Variants in MBNL3 observed in about 807,000 individuals in gnomAD.
MBNL3 encodes the protein muscleblind like splicing regulator 3, also known as muscleblind-like protein 3.
A neutral mutation model predicts 24.5 loss-of-function variants in MBNL3; 6 were observed. The observed-to-expected ratio is 0.25, with a 90% CI of 0.13 to 0.48. The LOEUF is 0.48. MBNL3 is among the 20% of genes least tolerant of loss of function. The pLI is 0.99. For missense variants in MBNL3, 230 were observed against 293.5 expected, an observed-to-expected ratio of 0.78 and a Z score of 1.58; for synonymous variants, 100 against 101.7, an observed-to-expected ratio of 0.98 and a Z score of 0.10.
At chrX:132,485,387 A>G (rs1188681621) in intron 1 of MBNL3, among the ~76,000 whole-genome samples, 2 of 112,050 alleles carry the variant, frequency 1.8e-5, no homozygotes, top group Non-Finnish European at 3.8e-5. Flanking sequence ...ATGTCACTCA[A>G]TCTAATACCA....
chrX:132,454,546 G>GA (rs768100256), intron 1 of MBNL3, among the ~76,000 whole-genome samples: 28 of 111,773 alleles, frequency 2.5e-4, no homozygotes, highest in African/African-American at 8.1e-4. Flanking sequence ...ACTTATAAGA[G>GA]AAAAAATCTC....
At chrX:132,394,674 A>T (rs1017666009) in intron 3 of MBNL3, among the ~76,000 whole-genome samples, 1 of 112,530 alleles carries the variant, frequency 8.9e-6, no homozygotes, top group African/African-American at 3.2e-5. Context: ...GTTATTAATC[A>T]CTAATAAATG....
chrX:132,489,313 G>T (rs2148565217), upstream of MBNL3, among the ~76,000 whole-genome samples: 1 of 112,227 alleles, frequency 8.9e-6, no homozygotes, highest in South Asian at 3.7e-4. Context: ...TCCCGGGGCC[G>T]GCCGGCGGGC....
chrX:132,460,989 C>A (rs142932756), intron 1 of MBNL3, among the ~76,000 whole-genome samples: 1,592 of 111,820 alleles, frequency 0.014, 21 homozygotes, highest in African/African-American at 0.049. Context: ...AGTTACTTCA[C>A]TTAGAATCAT....
intron 1 of MBNL3, among the ~76,000 whole-genome samples, chrX:132,447,783 C>T (rs1467237897): frequency 8.9e-6 from 1 of 112,192 alleles, no homozygotes; most frequent in East Asian, 2.8e-4. Flanking sequence ...ACTTCCAATA[C>T]TATGTTGAAT....
chrX:132,430,256 G>A (rs754525449), intron 2 of MBNL3: 23 of 110,991 alleles, frequency 2.1e-4, no homozygotes, highest in Admixed American at 2.9e-4. Context: ...CAAAAAAATC[G>A]CAAAAATAAT....
At chrX:132,442,870 A>G (rs1289496557) in intron 1 of MBNL3, among the ~76,000 whole-genome samples, 1 of 112,171 alleles carries the variant, frequency 8.9e-6, no homozygotes, top group Non-Finnish European at 1.9e-5. Context: ...TTAGCGGCTG[A>G]CTCAGAAGAA....
intron 1 of MBNL3, among the ~76,000 whole-genome samples, chrX:132,478,193 A>T (rs1349329099): frequency 2.1e-5 from 2 of 95,969 alleles, no homozygotes; most frequent in Non-Finnish European, 4.4e-5. Flanking sequence ...TTTAGTTGTC[A>T]TTTTGTTGTT....
At chrX:132,445,491 T>A (rs896390274) in intron 1 of MBNL3, among the ~76,000 whole-genome samples, 1 of 111,539 alleles carries the variant, frequency 9.0e-6, no homozygotes, top group African/African-American at 3.3e-5. Context: ...CAGAACTTTT[T>A]CATTAACTTT....
At chrX:132,463,655 TTAAAAA>T (rs1035192150) in intron 1 of MBNL3, among the ~76,000 whole-genome samples, 1 of 111,246 alleles carries the variant, frequency 9.0e-6, no homozygotes, top group African/African-American at 3.3e-5. Flanking sequence ...TAGTGGCTAG[TTAAAAA>T]TAAGGAGTTT....
At chrX:132,456,352 G>A (rs1171881417) in intron 1 of MBNL3, among the ~76,000 whole-genome samples, 1 of 112,280 alleles carries the variant, frequency 8.9e-6, no homozygotes, top group Admixed American at 9.4e-5. Context: ...AGAACACAAT[G>A]AGGAAGATAA....
rs957595888 is a variant in MBNL3, at chrX:132,390,287, A to C, written c.771+560T>G. On this transcript the variant is annotated intron_variant, in intron 5 of 8. Coordinates refer to ENST00000370853, the MANE Select transcript of MBNL3 (RefSeq NM_001386889.1). ...CAACAAAAAAAAAAAAAAAAAAAAA[A>C]AAAACCAAAGTCAGGCCTCTGCTCC... 1.3e-3 allele frequency among the ~76,000 whole-genome samples: 142 copies of C among 105,479 alleles called. 1 individual carries two copies. Among genetic ancestry groups the C allele is most frequent in the African/African-American group, 4.2e-3 (123 of 29,108 alleles). 91.6% of individuals were successfully genotyped at this position (105,479 alleles called of 115,157 possible). A position where few individuals can be genotyped will look rare whatever the true frequency, so the allele number is the denominator to read the frequency against.
intron 1 of MBNL3, among the ~76,000 whole-genome samples, chrX:132,471,681 AC>A (rs1390064866): frequency 8.9e-6 from 1 of 112,593 alleles, no homozygotes; most frequent in African/African-American, 3.2e-5. Context: ...ACAGAGTGAG[AC>A]CCCCTTTTCA....
chrX:132,420,314 T>C (rs1455223596), intron 2 of MBNL3, among the ~76,000 whole-genome samples: 1 of 111,757 alleles, frequency 8.9e-6, no homozygotes, highest in Non-Finnish European at 1.9e-5. Flanking sequence ...CTGCCGGATC[T>C]GGAGGGGTGG....
chrX:132,479,431 A>C (rs1206183521), intron 1 of MBNL3, among the ~76,000 whole-genome samples: 1 of 112,334 alleles, frequency 8.9e-6, no homozygotes, highest in Non-Finnish European at 1.9e-5. Context: ...GTGTATCTTA[A>C]CATTCAAACT....
chrX:132,486,516 T>C (rs760800177), intron 1 of MBNL3, among the ~76,000 whole-genome samples: 1 of 112,310 alleles, frequency 8.9e-6, no homozygotes, highest in South Asian at 3.7e-4. Flanking sequence ...GGAAGTACAA[T>C]GAGAGGCAAG....
rs1445162716 is a variant in MBNL3, at chrX:132,382,187, T to A, written c.1044A>T (p.Thr348=). 1 of 1,210,540 alleles carries A rather than the reference T, an allele frequency of 8.3e-7. No homozygotes were observed. Among genetic ancestry groups the A allele is most frequent in the Admixed American group, 2.2e-5 (1 of 46,034 alleles). ...AAATAAATGGCCAAACCTGATTGCC[T>A]GTAGTTGGTGCAGCGAACGGAACGC... ...ATSVPFAAPT[T]GNQLKF The change falls in exon 8 of 9, where the codon ACA becomes ACT. Residue 348 remains threonine (T), a synonymous_variant. Coordinates refer to ENST00000370853, the MANE Select transcript of MBNL3 (RefSeq NM_001386889.1).
chrX:132,477,192 CTTAAT>C (rs1171958506), intron 1 of MBNL3, among the ~76,000 whole-genome samples: 2 of 111,514 alleles, frequency 1.8e-5, no homozygotes, highest in African/African-American at 6.5e-5. Flanking sequence ...TATTATGGTC[CTTAAT>C]TTGTTTTACA....
intron 3 of MBNL3, among the ~76,000 whole-genome samples, chrX:132,402,459 AG>A (rs1941096348): frequency 8.9e-6 from 1 of 112,089 alleles, no homozygotes; most frequent in Admixed American, 9.5e-5. Context: ...GCTTTGCTTC[AG>A]GGTAATCCAC....
Sources: gnomAD v4.1 joint callset for allele counts (sites outside exome capture counted in the v4.1 genomes callset) on GRCh38, gnomAD v4.1.1 for gene constraint, MANE v1.5 for transcripts, NCBI Gene and HGNC (gene_info 2026-07-23, HGNC 2026-07-21) for gene names.